Variants in WDFY2 observed in about 807,000 individuals in gnomAD.
WDFY2 encodes WD repeat and FYVE domain-containing protein 2.
WDFY2 carries 36 observed loss-of-function variants against 56.4 expected under a neutral mutation model. The observed-to-expected ratio is 0.64, with a 90% CI of 0.49 to 0.84. The LOEUF (loss-of-function observed/expected upper bound fraction) is 0.84. Among genes scored for constraint, WDFY2 ranks in the 40% least tolerant of loss-of-function variants. The pLI, the probability that WDFY2 is intolerant of heterozygous loss-of-function variation, is 0.00. For missense variants in WDFY2, 444 were observed against 512.2 expected (o/e 0.87, Z 1.29); for synonymous variants, 176 against 183.7 (o/e 0.96, Z 0.34).
chr13:51,589,422 G>GT (rs1954004049), intron 1 of WDFY2: 1 of 151,808 alleles, frequency 6.6e-6, no homozygotes, highest in Non-Finnish European at 1.5e-5. Context: ...CTACTTGACT[G>GT]TTTCCTGAAA....
chr13:51,735,594 A>C (rs1952817046), intron 6 of WDFY2, among the ~76,000 whole-genome samples: 1 of 152,166 alleles, frequency 6.6e-6, no homozygotes, highest in Admixed American at 6.5e-5. Flanking sequence ...AAAGTAATCC[A>C]TCATCTTATC....
At chr13:51,694,760 A>G (rs1455760352) in intron 3 of WDFY2, among the ~76,000 whole-genome samples, 2 of 152,136 alleles carry the variant, frequency 1.3e-5, no homozygotes, top group Admixed American at 6.5e-5. Flanking sequence ...TCTCCTGGAT[A>G]ATATCCTGCA....
At position 51,607,004 on chromosome 13, in the gene WDFY2, A is replaced by ACC. The variant is rs1372334575; in HGVS notation, c.137+22181_137+22182dup. ...TAAGCTATATGAAATGTAACTGAAA[A>ACC]CCAGAAAATAAACAAAAATAACCTC... On this transcript the variant is annotated intron_variant, in intron 1 of 11. Transcript: ENST00000298125. Among the ~76,000 whole-genome samples the ACC allele has an allele frequency of 2.6e-5, 4 of 152,208 alleles. No individual in the cohort carries two copies. In the East Asian group the frequency reaches 7.7e-4, roughly 29 times the overall value.
chr13:51,655,924 A>G (rs1479772964), intron 1 of WDFY2, among the ~76,000 whole-genome samples: 3 of 151,944 alleles, frequency 2.0e-5, no homozygotes, highest in Non-Finnish European at 4.4e-5. Context: ...TTTAATCTAG[A>G]TTATCTAATT....
At chr13:51,617,908 T>C (rs1191619377) in intron 1 of WDFY2, among the ~76,000 whole-genome samples, 1 of 152,238 alleles carries the variant, frequency 6.6e-6, no homozygotes, top group Non-Finnish European at 1.5e-5. Flanking sequence ...TTTAAAGAAA[T>C]TCATTTACAA....
At chr13:51,629,441 T>C (rs530192742) in intron 1 of WDFY2, among the ~76,000 whole-genome samples, 5 of 152,370 alleles carry the variant, frequency 3.3e-5, no homozygotes, top group Non-Finnish European at 5.9e-5. Context: ...CAATTTAATA[T>C]GACTTTGGAA....
At chr13:51,678,956 G>A (rs9596562) in intron 3 of WDFY2, among the ~76,000 whole-genome samples, 55 of 152,112 alleles carry the variant, frequency 3.6e-4, no homozygotes, top group African/African-American at 1.3e-3. Context: ...GCTAAAGATA[G>A]GAAAGTAACA....
intron 1 of WDFY2, among the ~76,000 whole-genome samples, chr13:51,608,195 C>G (rs1424544256): frequency 6.6e-6 from 1 of 152,164 alleles, no homozygotes; most frequent in Non-Finnish European, 1.5e-5. Context: ...TAGTTTGTTA[C>G]AGCAGCAAAT....
At position 51,673,870 on chromosome 13, in the gene WDFY2, G is replaced by C. The variant is rs920922487; in HGVS notation, c.206-1300G>C. Among the ~76,000 whole-genome samples the C allele has an allele frequency of 9.2e-5, 14 of 152,106 alleles. No homozygotes were observed. In the East Asian group the frequency reaches 2.5e-3, roughly 27 times the overall value. Reference sequence around the variant, plus strand: ...CTGTTATACAGGTGGAAGTTTTTGGGGGAAATTCTACTAGTTTTTATTTTC... The same window carrying C: ...CTGTTATACAGGTGGAAGTTTTTGGCGGAAATTCTACTAGTTTTTATTTTC... On this transcript the variant is annotated intron_variant, in intron 2 of 11. Transcript: ENST00000298125.
intron 1 of WDFY2, among the ~76,000 whole-genome samples, chr13:51,604,328 T>C (rs567650428): frequency 5.9e-5 from 9 of 152,238 alleles, no homozygotes; most frequent in East Asian, 3.9e-4. Context: ...TCTGAATGAG[T>C]TGAGAGAAAC....
At chr13:51,690,864 C>A (rs1420282623) in intron 3 of WDFY2, among the ~76,000 whole-genome samples, 1 of 152,138 alleles carries the variant, frequency 6.6e-6, no homozygotes, top group African/African-American at 2.4e-5. Flanking sequence ...CCTGTTGTTT[C>A]CTGACTTTTT....
chr13:51,690,325 C>T (rs889334700), intron 3 of WDFY2, among the ~76,000 whole-genome samples: 21 of 146,908 alleles, frequency 1.4e-4, no homozygotes, highest in African/African-American at 5.0e-4. Flanking sequence ...GGGTATATCT[C>T]CCAGTGCTAT....
intron 3 of WDFY2, among the ~76,000 whole-genome samples, chr13:51,697,981 C>T (rs1412753099): frequency 2.6e-5 from 4 of 152,184 alleles, no homozygotes; most frequent in South Asian, 4.1e-4. Context: ...TATTATGTGA[C>T]AGGCACTGCT....
intron 3 of WDFY2, among the ~76,000 whole-genome samples, chr13:51,698,575 G>A (rs1951922087): frequency 6.6e-6 from 1 of 152,164 alleles, no homozygotes; most frequent in Admixed American, 6.5e-5. Context: ...TGCTGCAATA[G>A]CATACTAATG....
chr13:51,639,664 C>G (rs1402010812), intron 1 of WDFY2, among the ~76,000 whole-genome samples: 1 of 152,060 alleles, frequency 6.6e-6, no homozygotes, highest in African/African-American at 2.4e-5. Flanking sequence ...GTACTTGTCT[C>G]TTTGTCATAA....
At chr13:51,660,853 C>T (rs532768835) in intron 2 of WDFY2, among the ~76,000 whole-genome samples, 190 bp downstream of exon 2, 1 of 152,196 alleles carries the variant, frequency 6.6e-6, no homozygotes, top group African/African-American at 2.4e-5. Flanking sequence ...GAAATTGACT[C>T]TATATTCATA....
intron 4 of WDFY2, among the ~76,000 whole-genome samples, chr13:51,704,534 T>A (rs1329748594): frequency 6.6e-6 from 1 of 152,208 alleles, no homozygotes; most frequent in Non-Finnish European, 1.5e-5. Flanking sequence ...GCTTAGCCTG[T>A]TGGACCTACA....
At position 51,719,284 on chromosome 13, in the gene WDFY2, C is replaced by G; in HGVS notation, c.421C>G (p.His141Asp). The part of the protein sequence containing the change: ...STGQDKQFAW[H>D]CSESGQRLGG... Reference sequence around the variant, plus strand: ...AGGACAGGACAAGCAATTTGCCTGGCACTGCTCTGAGAGTGGGCAGCGCCT... The same window carrying G: ...AGGACAGGACAAGCAATTTGCCTGGGACTGCTCTGAGAGTGGGCAGCGCCT... The change falls in exon 5 of 12, where the codon CAC (histidine) becomes GAC (aspartate). Residue 141 changes from histidine (H) to aspartate (D), a missense_variant. Transcript: ENST00000298125. 3.7e-6 allele frequency: 6 copies of G among 1,614,134 alleles called. No homozygotes were observed. The highest frequency in any genetic ancestry group is 5.1e-6 in the Non-Finnish European group (6 of 1,179,996).
rs1007500703 is a variant in WDFY2 at position 51,760,183 on chromosome 13, G to A, written c.*414G>A. 1 of 157,454 alleles carries A rather than the reference G, an allele frequency of 6.4e-6. No homozygotes were observed. The highest frequency in any genetic ancestry group is 1.4e-5 in the Non-Finnish European group (1 of 71,434). The allele number at this position is 157,454 out of a possible 1,614,324, so 9.8% of individuals were successfully genotyped here. On this transcript the variant is annotated 3_prime_UTR_variant, in exon 12 of 12. Coordinates refer to ENST00000298125, the MANE Select transcript of WDFY2 (RefSeq NM_052950.4). ...CTGTGTTTACTTCAACATGTGTCAC[G>A]TGGCCAGCGGCTTTTTCTTCTCTTC...
Sources: gnomAD v4.1 joint callset for allele counts (sites outside exome capture counted in the v4.1 genomes callset) on GRCh38, gnomAD v4.1.1 for gene constraint, MANE v1.5 for transcripts, NCBI Gene and HGNC (gene_info 2026-07-23, HGNC 2026-07-21) for gene names.